CYP3A43: variants seen among roughly 807,000 people sequenced by gnomAD.
CYP3A43 encodes the protein cytochrome P450 3A43.
A neutral mutation model predicts 58.0 loss-of-function variants in CYP3A43; 45 were observed. The ratio of observed to expected loss-of-function variants is 0.78; its 90% CI spans 0.61 to 0.99. CYP3A43 has a LOEUF of 0.99. Among genes scored for constraint, CYP3A43 ranks in the 50% least tolerant of loss-of-function variants. The pLI is 0.00. For synonymous variants in CYP3A43, 191 were observed against 201.4 expected (o/e 0.95, Z 0.44); for missense variants, 593 against 591.9 (o/e 1.00, Z -0.02).
intron 7 of CYP3A43, among the ~76,000 whole-genome samples, chr7:99,850,462 A>G (rs556414868): frequency 1.3e-5 from 2 of 151,854 alleles, no homozygotes; most frequent in Non-Finnish European, 2.9e-5. Context: ...GGGTTTCTCC[A>G]TGTTGGCCAG....
At chr7:99,832,246 A>AT (rs1326290767) in intron 1 of CYP3A43, among the ~76,000 whole-genome samples, 1 of 148,826 alleles carries the variant, frequency 6.7e-6, no homozygotes, top group South Asian at 2.1e-4. Flanking sequence ...AGTTCAAAAG[A>AT]TAAAAAAAAA....
At chr7:99,840,552 A>C (rs1406371578) in intron 3 of CYP3A43, among the ~76,000 whole-genome samples, 1 of 152,112 alleles carries the variant, frequency 6.6e-6, no homozygotes, top group Non-Finnish European at 1.5e-5. Flanking sequence ...CTGTCTTTTC[A>C]CATGTAAAGT....
intron 3 of CYP3A43, among the ~76,000 whole-genome samples, chr7:99,840,314 A>G (rs1199670892): frequency 6.6e-6 from 1 of 152,212 alleles, no homozygotes; most frequent in East Asian, 1.9e-4. Context: ...CATCTGCCCT[A>G]TAAACCAGCC....
At chr7:99,844,070 G>T in intron 3 of CYP3A43, 73 bp from the exon 4 acceptor site, 1 of 1,192,968 alleles carries the variant, frequency 8.4e-7, no homozygotes, top group South Asian at 1.4e-5. Context: ...ATCAAAATCT[G>T]GATTCTTTGG....
chr7:99,855,734 G>A lies in CYP3A43; in HGVS notation c.798+16G>A, dbSNP rs776046784. The A allele has an allele frequency of 8.8e-6, 14 of 1,593,280 alleles. No individual in the cohort carries two copies. The highest frequency in any genetic ancestry group is 1.2e-5 in the Non-Finnish European group (14 of 1,169,876). On this transcript the variant is annotated intron_variant, in intron 8 of 12. Coordinates refer to ENST00000354829, the MANE Select transcript of CYP3A43 (RefSeq NM_057095.3). ...TAAACAAAAGGTAAAATCTGGTGGTGGTGACATGAGAATGTTCACTTTTTT... is the reference window on the plus strand; with the variant it reads ...TAAACAAAAGGTAAAATCTGGTGGTAGTGACATGAGAATGTTCACTTTTTT...
chr7:99,847,435 A>G (rs1320632510), intron 4 of CYP3A43, 53 bp from the exon 5 acceptor site: 16 of 1,565,960 alleles, frequency 1.0e-5, no homozygotes, highest in Non-Finnish European at 1.3e-5. Flanking sequence ...TTCTACAACT[A>G]TGGAGATCTC....
At chr7:99,833,230 A>G (rs892709974) in intron 1 of CYP3A43, among the ~76,000 whole-genome samples, 10 of 152,178 alleles carry the variant, frequency 6.6e-5, no homozygotes, top group African/African-American at 2.2e-4. Context: ...GAGGATATTT[A>G]TTAATTATTT....
At position 99,855,629 on chromosome 7, in the gene CYP3A43, A is replaced by G. The variant is rs778615334; in HGVS notation, c.709A>G (p.Asn237Asp). The G allele has an allele frequency of 1.2e-6, 2 of 1,613,332 alleles. No homozygotes were observed. Among genetic ancestry groups the G allele is most frequent in the South Asian group, 1.1e-5 (1 of 90,840 alleles). ...TCTTACCCCAGTTTTTGAAGCCCTA[A>G]ATATCGGTTTGTTTCCAAAAGATGT... The part of the protein sequence containing the change: ...PFLTPVFEAL[N>D]IGLFPKDVTH... The change falls in exon 8 of 13, where the codon AAT becomes GAT. Residue 237 changes from asparagine to aspartate, a missense_variant. Transcript: ENST00000354829.
At chr7:99,858,659 T>G (rs1343691317) in intron 9 of CYP3A43, among the ~76,000 whole-genome samples, 3 of 130,058 alleles carry the variant, frequency 2.3e-5, no homozygotes, top group Non-Finnish European at 4.8e-5. Flanking sequence ...TTCTTCCTGC[T>G]GTATTATTAT....
At chr7:99,865,770 C>A in intron 12 of CYP3A43, 136 bp from the exon 13 acceptor site, 1 of 514,132 alleles carries the variant, frequency 1.9e-6, no homozygotes, top group South Asian at 3.2e-5. Context: ...ACAAATAAAC[C>A]AACATGTATG....
rs867867714 is a variant in CYP3A43 at position 99,861,831 on chromosome 7, C to T, written c.1245C>T (p.Cys415=). ...PKYWTEPEKF[C]PERFSKKNKD... ...ACTGGACAGAGCCTGAGAAGTTCTG[C>T]CCTGAAAGGTACAAGGCCCCTGGGA... Residue 415 remains cysteine (C), a synonymous_variant, in exon 11 of 13, where the codon TGC becomes TGT. Coordinates refer to ENST00000354829, the MANE Select transcript of CYP3A43 (RefSeq NM_057095.3). 1.2e-6 allele frequency: 2 copies of T among 1,612,868 alleles called. No individual in the cohort carries two copies. Among genetic ancestry groups the T allele is most frequent in the Middle Eastern group, 3.3e-4 (2 of 6,058 alleles).
chr7:99,840,672 C>T (rs896458494), intron 3 of CYP3A43, among the ~76,000 whole-genome samples: 1 of 152,074 alleles, frequency 6.6e-6, no homozygotes, highest in Non-Finnish European at 1.5e-5. Context: ...TCTTTAAATT[C>T]GGAAGTTCCC....
chr7:99,828,154 TC>T lies in CYP3A43; in HGVS notation c.40del (p.Val15TrpfsTer75). On this transcript the variant is annotated frameshift_variant, in exon 1 of 13. Coordinates refer to ENST00000354829, the MANE Select transcript of CYP3A43 (RefSeq NM_057095.3). LOFTEE classifies it high-confidence loss of function. ...CAAACTTTGCCATGGAAACATGGGT[TC>T]TTGTGGCTACCAGCCTGGTACTCCT... ...IPNFAMETWV[L>X]VATSLVLLYI... The T allele has an allele frequency of 6.2e-7, 1 of 1,613,054 alleles. No individual in the cohort carries two copies. Among genetic ancestry groups the T allele is most frequent in the Non-Finnish European group, 8.5e-7 (1 of 1,179,376 alleles).
At chr7:99,844,719 T>C (rs1817474295) in intron 4 of CYP3A43, among the ~76,000 whole-genome samples, 2 of 152,306 alleles carry the variant, frequency 1.3e-5, no homozygotes, top group East Asian at 1.9e-4. Context: ...GTGCTTTTAC[T>C]GTAAGTCTGA....
chr7:99,834,716 G>A (rs1294902606), intron 1 of CYP3A43, among the ~76,000 whole-genome samples: 4 of 152,198 alleles, frequency 2.6e-5, no homozygotes, highest in Admixed American at 1.3e-4. Flanking sequence ...TCATAATACT[G>A]TTGCCCTAGG....
chr7:99,836,043 C>G (rs888084668), intron 1 of CYP3A43, among the ~76,000 whole-genome samples: 1 of 152,106 alleles, frequency 6.6e-6, no homozygotes, highest in African/African-American at 2.4e-5. Flanking sequence ...GCAGGAATCC[C>G]CAAAGATCAG....
intron 3 of CYP3A43, 196 bp downstream of exon 3, chr7:99,839,368 A>C: frequency 1.4e-6 from 1 of 727,668 alleles, no homozygotes; most frequent in Non-Finnish European, 2.5e-6. Flanking sequence ...GTGTCATAGG[A>C]AACTCCATGC....
chr7:99,851,101 G>T (rs1014189577), intron 7 of CYP3A43, among the ~76,000 whole-genome samples: 2 of 151,770 alleles, frequency 1.3e-5, no homozygotes, highest in African/African-American at 4.8e-5. Flanking sequence ...AGAGGTGGAG[G>T]TTACAGTGAG....
At chr7:99,842,171 A>G (rs1311073520) in intron 3 of CYP3A43, among the ~76,000 whole-genome samples, 1 of 152,196 alleles carries the variant, frequency 6.6e-6, no homozygotes, top group Non-Finnish European at 1.5e-5. Flanking sequence ...ATTTTCTGCC[A>G]AACTAACTCT....
Sources: gnomAD v4.1 joint callset for allele counts (sites outside exome capture counted in the v4.1 genomes callset) on GRCh38, gnomAD v4.1.1 for gene constraint, MANE v1.5 for transcripts, NCBI Gene and HGNC (gene_info 2026-07-23, HGNC 2026-07-21) for gene names.